The following IL1RAPL1 variants were observed in gnomAD, a reference collection of about 807,000 sequenced individuals.
IL1RAPL1 encodes interleukin 1 receptor accessory protein like 1.
IL1RAPL1 carries 3 observed loss-of-function variants against 48.4 expected under a neutral mutation model. The observed-to-expected ratio is 0.06, with a 90% CI of 0.03 to 0.16. The LOEUF is 0.16. Ranked by LOEUF, IL1RAPL1 falls within the 10% of genes least tolerant of loss-of-function variation. The pLI is 1.00. For synonymous variants in IL1RAPL1, 185 were observed against 187.7 expected (o/e 0.99, Z 0.12); for missense variants, 349 against 530.6 (o/e 0.66, Z 3.36).
At chrX:29,374,139 G>A (rs1391875080) in intron 3 of IL1RAPL1, among the ~76,000 whole-genome samples, 1 of 105,246 alleles carries the variant, frequency 9.5e-6, no homozygotes, top group Non-Finnish European at 1.9e-5. Flanking sequence ...GCAGGCTGAT[G>A]CTACCTTCGT....
chrX:28,998,851 C>T (rs1034415844), intron 2 of IL1RAPL1, among the ~76,000 whole-genome samples: 1 of 112,017 alleles, frequency 8.9e-6, no homozygotes, highest in Non-Finnish European at 1.9e-5. Context: ...TCCAAGCCTT[C>T]TTTCAACAGC....
intron 6 of IL1RAPL1, among the ~76,000 whole-genome samples, chrX:29,845,016 G>A (rs774464187): frequency 8.9e-6 from 1 of 112,070 alleles, no homozygotes; most frequent in East Asian, 2.8e-4. Context: ...AGCTAGGAGA[G>A]AGACATGGAA....
intron 5 of IL1RAPL1, among the ~76,000 whole-genome samples, chrX:29,446,857 G>A (rs888902053): frequency 2.7e-5 from 3 of 110,741 alleles, no homozygotes; most frequent in Non-Finnish European, 5.7e-5. Context: ...GTATCAGCTC[G>A]CAAGAGACTG....
At chrX:29,358,951 G>T (rs1034375512) in intron 3 of IL1RAPL1, among the ~76,000 whole-genome samples, 1 of 109,114 alleles carries the variant, frequency 9.2e-6, no homozygotes, top group South Asian at 4.0e-4. Context: ...AGGCTGGGAG[G>T]CAGAGGTTGC....
chrX:28,984,848 C>T (rs188541339), intron 2 of IL1RAPL1, among the ~76,000 whole-genome samples: 5 of 111,628 alleles, frequency 4.5e-5, no homozygotes, highest in Admixed American at 3.8e-4. Context: ...TTTTTTCATC[C>T]TCTAGGCAAG....
chrX:29,129,156 G>GC (rs1928963414), intron 2 of IL1RAPL1, among the ~76,000 whole-genome samples: 1 of 104,913 alleles, frequency 9.5e-6, no homozygotes, highest in South Asian at 4.3e-4. Context: ...AAATTCTCCT[G>GC]CCTCAGCCTG....
chrX:28,853,291 T>C (rs2147298074), intron 2 of IL1RAPL1, among the ~76,000 whole-genome samples: 1 of 111,799 alleles, frequency 8.9e-6, no homozygotes, highest in African/African-American at 3.2e-5. Context: ...AAAATGTAGG[T>C]ATCATTGGTG....
intron 9 of IL1RAPL1, among the ~76,000 whole-genome samples, chrX:29,946,157 C>A (rs1933209962): frequency 8.9e-6 from 1 of 112,203 alleles, no homozygotes; most frequent in Non-Finnish European, 1.9e-5. Context: ...CTACACCACC[C>A]TCTTGTTTTC....
intron 2 of IL1RAPL1, among the ~76,000 whole-genome samples, chrX:29,151,068 T>A (rs1929458033): frequency 9.0e-6 from 1 of 111,499 alleles, no homozygotes; most frequent in Non-Finnish European, 1.9e-5. Flanking sequence ...CTCCATTGTA[T>A]CAGGCTCCTT....
chrX:29,190,654 T>C (rs1930334684), intron 2 of IL1RAPL1, among the ~76,000 whole-genome samples: 1 of 112,341 alleles, frequency 8.9e-6, no homozygotes, highest in Non-Finnish European at 1.9e-5. Flanking sequence ...TGGTAATTGA[T>C]GCCGATGTGT....
intron 5 of IL1RAPL1, among the ~76,000 whole-genome samples, chrX:29,580,136 CTT>C (rs762760607): frequency 5.4e-5 from 5 of 93,191 alleles, no homozygotes; most frequent in African/African-American, 1.2e-4. Flanking sequence ...CTCAGAAAGT[CTT>C]TTTTTTTTTT....
At chrX:29,645,460 G>T (rs1459593287) in intron 5 of IL1RAPL1, among the ~76,000 whole-genome samples, 1 of 111,367 alleles carries the variant, frequency 9.0e-6, no homozygotes, top group Non-Finnish European at 1.9e-5. Flanking sequence ...GGGAAAGAGA[G>T]GGAAGTAAGC....
At chrX:29,000,837 T>C (rs1925834157) in intron 2 of IL1RAPL1, among the ~76,000 whole-genome samples, 1 of 110,964 alleles carries the variant, frequency 9.0e-6, no homozygotes, top group East Asian at 2.8e-4. Flanking sequence ...AACTCTTTTT[T>C]TTTTTTTTCC....
At chrX:28,876,847 C>CAAGA (rs1356342989) in intron 2 of IL1RAPL1, among the ~76,000 whole-genome samples, 1 of 111,305 alleles carries the variant, frequency 9.0e-6, no homozygotes, top group Non-Finnish European at 1.9e-5. Context: ...TGTCCTTTCA[C>CAAGA]AAGAATAAAA....
At chrX:28,935,109 G>A (rs1380046512) in intron 2 of IL1RAPL1, among the ~76,000 whole-genome samples, 1 of 110,948 alleles carries the variant, frequency 9.0e-6, no homozygotes. Context: ...GTCCTTTGAA[G>A]CACAATAGTT....
At chrX:29,356,175 G>A (rs1183352256) in intron 3 of IL1RAPL1, among the ~76,000 whole-genome samples, 1 of 110,614 alleles carries the variant, frequency 9.0e-6, no homozygotes, top group Non-Finnish European at 1.9e-5. Flanking sequence ...GTAATCTTCA[G>A]TTCCTTATCA....
intron 2 of IL1RAPL1, among the ~76,000 whole-genome samples, chrX:28,929,597 C>A (rs1013239663): frequency 4.5e-5 from 5 of 112,358 alleles, no homozygotes; most frequent in Non-Finnish European, 9.4e-5. Context: ...TGAATAATAT[C>A]TTTGATCTCT....
At position 29,053,932 on chromosome X, in the gene IL1RAPL1, T is replaced by G. The variant is rs1927154479; in HGVS notation, c.83-229006T>G. On this transcript the variant is annotated intron_variant, in intron 2 of 10. Coordinates refer to ENST00000378993, the MANE Select transcript of IL1RAPL1 (RefSeq NM_014271.4). ...ATTTATCTTTCTGTGCCTGGCTTATTTGACCTAGGATAATGTCCTCTAGAT... is the reference window on the plus strand; with the variant it reads ...ATTTATCTTTCTGTGCCTGGCTTATGTGACCTAGGATAATGTCCTCTAGAT... Among the ~76,000 whole-genome samples the G allele has an allele frequency of 3.6e-5, 4 of 112,065 alleles. No individual in the cohort carries two copies. In the South Asian group the frequency reaches 1.5e-3, roughly 42 times the overall value.
chrX:29,508,249 A>G (rs1935357020), intron 5 of IL1RAPL1, among the ~76,000 whole-genome samples: 1 of 111,538 alleles, frequency 9.0e-6, no homozygotes, highest in African/African-American at 3.3e-5. Context: ...ACACTTAATA[A>G]GAGTATCCGA....
Sources: gnomAD v4.1 joint callset for allele counts (sites outside exome capture counted in the v4.1 genomes callset) on GRCh38, gnomAD v4.1.1 for gene constraint, MANE v1.5 for transcripts, NCBI Gene and HGNC (gene_info 2026-07-23, HGNC 2026-07-21) for gene names.